ANKAR: variants seen among roughly 807,000 people sequenced by gnomAD.
ANKAR encodes the protein ankyrin and armadillo repeat-containing protein.
Under a neutral mutation model 146.2 loss-of-function variants are expected in ANKAR, and 136 were observed. The observed-to-expected ratio is 0.93, with a 90% CI of 0.81 to 1.07. The LOEUF is 1.07. Ranked by LOEUF, ANKAR falls within the 50% of genes least tolerant of loss-of-function variation. ANKAR has a pLI of 0.00. For synonymous variants in ANKAR, 500 were observed against 575.8 expected, an observed-to-expected ratio of 0.87 and a Z score of 1.88; for missense variants, 1,567 against 1,679.9, an observed-to-expected ratio of 0.93 and a Z score of 1.18.
chr2:189,704,436 C>T (rs1416168049), intron 7 of ANKAR, among the ~76,000 whole-genome samples: 5 of 150,654 alleles, frequency 3.3e-5, no homozygotes, highest in South Asian at 2.1e-4. Flanking sequence ...TGAGCCACTG[C>T]GCCCAGCCCA....
intron 4 of ANKAR, 122 bp from the exon 5 acceptor site, chr2:189,692,952 G>A: frequency 2.0e-6 from 1 of 505,186 alleles, no homozygotes; most frequent in East Asian, 3.6e-5. Flanking sequence ...TGCTATCCGG[G>A]TCTTCTGGAA....
At chr2:189,675,640 G>A (rs1466906814) in intron 1 of ANKAR, among the ~76,000 whole-genome samples, 2 of 152,040 alleles carry the variant, frequency 1.3e-5, no homozygotes, top group East Asian at 3.9e-4. Flanking sequence ...GAGCCACTGC[G>A]CCCCACCCTT....
chr2:189,720,716 A>T lies in ANKAR; in HGVS notation c.2564A>T (p.Glu855Val), dbSNP rs748244897. 13 of 1,520,178 alleles carry T rather than the reference A, an allele frequency of 8.6e-6. No homozygotes were observed. The East Asian group carries it at 3.3e-4, about 38-fold the overall frequency. The allele number at this position is 1,520,178 out of a possible 1,614,324, so 94.2% of individuals were successfully genotyped here. A position where few individuals can be genotyped will look rare whatever the true frequency, so the allele number is the denominator to read the frequency against. Reference protein sequence around the residue: ...NCIRVLCIGNENNQRAVREHK... With the variant: ...NCIRVLCIGNVNNQRAVREHK... ...ATACGGGTATTGTGTATAGGAAATG[A>T]AAACAATCAAAGAGCTGTGAGAGAA... The change falls in exon 12 of 23, where the codon GAA becomes GTA. Residue 855 changes from glutamate (E) to valine (V), a missense_variant. Glu to Val is a moderately radical substitution (Grantham distance 121). Transcript: ENST00000684021.
At chr2:189,761,832 C>T (rs1243792561), downstream of ANKAR, among the ~76,000 whole-genome samples, 1 of 152,042 alleles carries the variant, frequency 6.6e-6, no homozygotes, top group Non-Finnish European at 1.5e-5. Flanking sequence ...ATAATGTTCT[C>T]CAAGGGGGAA....
At chr2:189,727,609 A>C (rs370012474) in intron 12 of ANKAR, among the ~76,000 whole-genome samples, 32 of 152,188 alleles carry the variant, frequency 2.1e-4, no homozygotes, top group African/African-American at 7.0e-4. Flanking sequence ...TTAAAATACA[A>C]CTATATCAAA....
intron 3 of ANKAR, among the ~76,000 whole-genome samples, chr2:189,691,711 G>GATAT (rs10653426): frequency 7.1e-4 from 104 of 147,494 alleles, no homozygotes; most frequent in Middle Eastern, 3.6e-3. Context: ...ATATATTTGA[G>GATAT]ATATATATAT....
chr2:189,708,667 C>A (rs538587659), intron 9 of ANKAR, among the ~76,000 whole-genome samples: 1 of 152,256 alleles, frequency 6.6e-6, no homozygotes, highest in South Asian at 2.1e-4. Context: ...TTTACAAATG[C>A]ATTTTCAATT....
chr2:189,751,075 T>C (rs1041733244), downstream of ANKAR, among the ~76,000 whole-genome samples: 1 of 152,228 alleles, frequency 6.6e-6, no homozygotes, highest in African/African-American at 2.4e-5. Flanking sequence ...CTCTGAAGTT[T>C]CAAAAGCTGC....
At chr2:189,755,773 C>A (rs1287958119) in intron 18 of ANKAR, among the ~76,000 whole-genome samples, 3 of 152,072 alleles carry the variant, frequency 2.0e-5, no homozygotes, top group Non-Finnish European at 4.4e-5. Context: ...TCAGTTTATG[C>A]ACAACAGACT....
intron 10 of ANKAR, among the ~76,000 whole-genome samples, chr2:189,718,999 T>C (rs1171294260): frequency 6.6e-6 from 1 of 152,134 alleles, no homozygotes; most frequent in Non-Finnish European, 1.5e-5. Flanking sequence ...TCCACCCGCC[T>C]CGGCCTCCCA....
chr2:189,737,591 AATATAT>A, intron 17 of ANKAR, 86 bp from the exon 18 acceptor site: 1 of 1,135,298 alleles, frequency 8.8e-7, no homozygotes, highest in Non-Finnish European at 1.2e-6. Context: ...ATAAGAATGC[AATATAT>A]TTTAATGAGC....
At chr2:189,719,095 T>C (rs1418211859) in intron 10 of ANKAR, among the ~76,000 whole-genome samples, 1 of 152,256 alleles carries the variant, frequency 6.6e-6, no homozygotes, top group East Asian at 1.9e-4. Flanking sequence ...TTGTAATTAA[T>C]GAGACTAATG....
At chr2:189,701,996 T>A (rs1182660964) in intron 7 of ANKAR, among the ~76,000 whole-genome samples, 1 of 152,184 alleles carries the variant, frequency 6.6e-6, no homozygotes, top group African/African-American at 2.4e-5. Flanking sequence ...AGTCTCTTGG[T>A]GAGCCTGCGT....
intron 12 of ANKAR, among the ~76,000 whole-genome samples, chr2:189,723,584 C>G (rs965991495): frequency 2.6e-5 from 4 of 152,108 alleles, no homozygotes; most frequent in Admixed American, 2.6e-4. Flanking sequence ...TCTCCAGACC[C>G]TTTGTGATGT....
intron 17 of ANKAR, among the ~76,000 whole-genome samples, chr2:189,736,645 A>G (rs1348060653): frequency 6.6e-6 from 1 of 151,760 alleles, no homozygotes; most frequent in African/African-American, 2.4e-5. Context: ...CTCATGGCCA[A>G]TCTTATTTCA....
intron 18 of ANKAR, chr2:189,754,365 T>C (rs953738899): frequency 6.4e-7 from 1 of 1,569,664 alleles, no homozygotes. Context: ...AAACATATTT[T>C]TTAGAGTCAT....
At position 189,689,883 on chromosome 2, in the gene ANKAR, T is replaced by C; in HGVS notation, c.958T>C (p.Cys320Arg). The C allele has an allele frequency of 4.4e-6, 7 of 1,583,870 alleles. No homozygotes were observed. The highest frequency in any genetic ancestry group is 5.1e-6 in the Non-Finnish European group (6 of 1,170,178). ...RRGIGYLKLI[C>R]FLIPFLLSLK... ...AGGGATAGGATACCTAAAGTTAATA[T>C]GTTTTCTGATTCCATTTCTACTGAG... The change falls in exon 3 of 23, where the codon TGT becomes CGT. Residue 320 changes from cysteine (C) to arginine (R), a missense_variant. By Grantham distance (180) the Cys-to-Arg change is radical. Transcript: ENST00000684021.
At chr2:189,714,290 C>G (rs1385694050) in intron 10 of ANKAR, among the ~76,000 whole-genome samples, 1 of 152,176 alleles carries the variant, frequency 6.6e-6, no homozygotes, top group Non-Finnish European at 1.5e-5. Flanking sequence ...ACTCTCCACC[C>G]AAATCAACAG....
At position 189,705,317 on chromosome 2, in the gene ANKAR, C is replaced by A. The variant is rs1358897624; in HGVS notation, c.1910+93C>A. 10 of 1,349,150 alleles carry A rather than the reference C, an allele frequency of 7.4e-6. No homozygotes were observed. The East Asian group carries it at 2.3e-4, about 31-fold the overall frequency. 83.6% of individuals were successfully genotyped at this position (1,349,150 alleles called of 1,614,324 possible). ...AGAAAATTAAATAGAATATAAATTTCTGCTTTTCATGGCTTGCCACACACA... is the reference window on the plus strand; with the variant it reads ...AGAAAATTAAATAGAATATAAATTTATGCTTTTCATGGCTTGCCACACACA... On this transcript the variant is annotated intron_variant, in intron 8 of 22. Transcript: ENST00000684021.
Sources: allele counts gnomAD v4.1 joint callset (sites outside exome capture counted in the v4.1 genomes callset), GRCh38; gene constraint gnomAD v4.1.1; transcripts MANE v1.5; gene names NCBI Gene and HGNC (gene_info 2026-07-23, HGNC 2026-07-21).